Variants in DPP6 observed in about 807,000 individuals in gnomAD.
DPP6 encodes dipeptidyl peptidase like 6, also known as A-type potassium channel modulatory protein DPP6.
Under a neutral mutation model 122.6 loss-of-function variants are expected in DPP6, and 69 were observed. That is an observed-to-expected ratio of 0.56 (90% CI 0.46 to 0.69). The LOEUF (loss-of-function observed/expected upper bound fraction) is 0.69. DPP6 is among the 30% of genes least tolerant of loss of function. The probability of loss-of-function intolerance (pLI) is 0.00; values close to 1 mark genes in which losing one functional copy is unlikely to be tolerated. For synonymous variants in DPP6, 418 were observed against 433.1 expected (o/e 0.97, Z 0.43); for missense variants, 928 against 1,116.9 (o/e 0.83, Z 2.41).
At chr7:154,872,214 C>A (rs560547584) in intron 18 of DPP6, among the ~76,000 whole-genome samples, 14 of 152,346 alleles carry the variant, frequency 9.2e-5, no homozygotes, top group Admixed American at 3.9e-4. Context: ...CCTCTCCCTG[C>A]CTCCCTGCTC....
At chr7:154,088,871 G>A (rs957704073) in intron 1 of DPP6, among the ~76,000 whole-genome samples, 2 of 152,180 alleles carry the variant, frequency 1.3e-5, no homozygotes, top group Non-Finnish European at 2.9e-5. Flanking sequence ...TAAAATTAAT[G>A]AAAATTTAAA....
In DPP6 at chr7:154,681,682, G is replaced by A. The variant is rs190264530; in HGVS notation, c.762+12241G>A. On this transcript the variant is annotated intron_variant, in intron 7 of 25. Coordinates refer to ENST00000377770, the MANE Select transcript of DPP6 (RefSeq NM_130797.4). ...GTAGATTACTTTGTGGAATTCTCCC[G>A]TTTGGGTGGAGGGAACACCTCTTCA... is the stretch of plus-strand genomic sequence containing the variant. Among the ~76,000 whole-genome samples, 26 of 152,296 alleles carry A rather than the reference G, an allele frequency of 1.7e-4. No homozygotes were observed. The East Asian group carries it at 3.3e-3, about 19-fold the overall frequency.
At chr7:154,047,342 C>T (rs572837472) in intron 1 of DPP6, among the ~76,000 whole-genome samples, 1 of 147,964 alleles carries the variant, frequency 6.8e-6, no homozygotes, top group East Asian at 1.9e-4. Flanking sequence ...TGAAGGGAAT[C>T]ATATTTAACT....
intron 1 of DPP6, among the ~76,000 whole-genome samples, chr7:154,145,171 G>T (rs1271408038): frequency 6.6e-6 from 1 of 152,202 alleles, no homozygotes. Flanking sequence ...GAGATAATCT[G>T]GGTGGGCCTA....
chr7:154,063,345 GAACCCC>G (rs1802336060), intron 1 of DPP6, among the ~76,000 whole-genome samples: 1 of 126,290 alleles, frequency 7.9e-6, no homozygotes, highest in Non-Finnish European at 1.7e-5. Context: ...TGGCTCTTAG[GAACCCC>G]ATTGCAGGAG....
chr7:154,205,769 TA>T (rs35151924), intron 1 of DPP6, among the ~76,000 whole-genome samples: 180 of 150,392 alleles, frequency 1.2e-3, no homozygotes, highest in East Asian at 4.8e-3. Flanking sequence ...CTAGAATTGT[TA>T]AAAAAAAAAA....
intron 1 of DPP6, among the ~76,000 whole-genome samples, chr7:154,159,811 T>C (rs1223065789): frequency 2.0e-5 from 3 of 152,104 alleles, no homozygotes; most frequent in African/African-American, 7.2e-5. Context: ...ATATTGCAGA[T>C]TAAAAAACAT....
Position 154,603,436 on chromosome 7 carries a change from G to A in DPP6, c.628-34385G>A, listed in dbSNP as rs1480210477. 8.5e-5 allele frequency among the ~76,000 whole-genome samples: 10 copies of A among 117,340 alleles called. 3 individuals are homozygous for A. The highest frequency in any genetic ancestry group is 6.9e-4 in the Admixed American group (7 of 10,086). The allele number at this position is 117,340 out of a possible 152,430, so 77.0% of individuals were successfully genotyped here. On this transcript the variant is annotated intron_variant, in intron 5 of 25. Transcript: ENST00000377770. ...AATCCCAGCACTTTGGGAGGCCGAA[G>A]TGGGCAGATCACCTGAGGTCAGGAG...
At chr7:154,740,112 AT>A (rs35725439) in intron 8 of DPP6, among the ~76,000 whole-genome samples, 2,687 of 152,326 alleles carry the variant, frequency 0.018, 28 homozygotes, top group Non-Finnish European at 0.028. Context: ...CTTACAATTA[AT>A]GACCTACTCC....
chr7:154,059,764 G>C (rs1336240982), intron 1 of DPP6, among the ~76,000 whole-genome samples: 1 of 151,286 alleles, frequency 6.6e-6, no homozygotes, highest in Non-Finnish European at 1.5e-5. Flanking sequence ...AGAGAGAAAA[G>C]ATGGCAGCTG....
intron 7 of DPP6, among the ~76,000 whole-genome samples, chr7:154,700,247 G>A (rs1426666127): frequency 6.6e-6 from 1 of 152,152 alleles, no homozygotes; most frequent in Non-Finnish European, 1.5e-5. Flanking sequence ...TAAATATTTA[G>A]CGTCAAGTTT....
At position 154,106,406 on chromosome 7, in the gene DPP6, G is replaced by T. The variant is rs965091626; in HGVS notation, c.243+53343G>T. ...GATGGTAGACATGGAGTGTGGTGGG[G>T]TGAGCAGAGCAGATGTGATTGACAT... On this transcript the variant is annotated intron_variant, in intron 1 of 25. Transcript: ENST00000377770. Among the ~76,000 whole-genome samples the T allele has an allele frequency of 2.5e-5, 3 of 119,394 alleles. No individual in the cohort carries two copies. In the Admixed American group the frequency reaches 2.8e-4, roughly 11 times the overall value. 78.3% of individuals were successfully genotyped at this position (119,394 alleles called of 152,430 possible).
At chr7:154,597,159 G>A (rs892987976) in intron 5 of DPP6, among the ~76,000 whole-genome samples, 10 of 124,024 alleles carry the variant, frequency 8.1e-5, no homozygotes, top group Non-Finnish European at 1.5e-4. Context: ...CACAGAGACA[G>A]AGAGGGAGAG....
chr7:154,606,890 C>A lies in DPP6; in HGVS notation c.628-30931C>A, dbSNP rs1238816921. On this transcript the variant is annotated intron_variant, in intron 5 of 25. Transcript: ENST00000377770. ...TACACACACATACTTATAGACTGTACATGGCAGCATTCACAGTCCAGAAAA... is the reference window on the plus strand; with the variant it reads ...TACACACACATACTTATAGACTGTAAATGGCAGCATTCACAGTCCAGAAAA... Among the ~76,000 whole-genome samples, 4 of 121,362 alleles carry A rather than the reference C, an allele frequency of 3.3e-5. 1 individual carries two copies. Among genetic ancestry groups the A allele is most frequent in the Non-Finnish European group, 5.6e-5 (3 of 53,756 alleles). The allele number at this position is 121,362 out of a possible 152,430, so 79.6% of individuals were successfully genotyped here.
At chr7:154,440,292 G>C (rs1288231748) in intron 1 of DPP6, among the ~76,000 whole-genome samples, 1 of 152,102 alleles carries the variant, frequency 6.6e-6, no homozygotes, top group East Asian at 1.9e-4. Context: ...TTCACATGGA[G>C]GCGGCATTAA....
At chr7:154,489,146 C>A (rs930570605) in intron 3 of DPP6, among the ~76,000 whole-genome samples, 4 of 152,178 alleles carry the variant, frequency 2.6e-5, no homozygotes, top group African/African-American at 7.2e-5. Context: ...GGTCTTCCAA[C>A]AACTGCATGG....
intron 6 of DPP6, among the ~76,000 whole-genome samples, chr7:154,639,500 G>A (rs767712154): frequency 1.3e-4 from 20 of 152,270 alleles, no homozygotes; most frequent in South Asian, 6.2e-4. Flanking sequence ...TAGATATTTC[G>A]TTCCATCTTA....
At chr7:154,033,739 A>T (rs1585206987) in intron 1 of DPP6, among the ~76,000 whole-genome samples, 1 of 152,182 alleles carries the variant, frequency 6.6e-6, no homozygotes, top group African/African-American at 2.4e-5. Context: ...ACCCTTCACA[A>T]TCACAGTTCT....
chr7:154,458,982 A>G (rs1383567824), intron 2 of DPP6, among the ~76,000 whole-genome samples: 1 of 152,238 alleles, frequency 6.6e-6, no homozygotes, highest in African/African-American at 2.4e-5. Flanking sequence ...GTTTTTCAAA[A>G]TTTGAGAGAA....
Sources: gnomAD v4.1 joint callset for allele counts (sites outside exome capture counted in the v4.1 genomes callset) on GRCh38, gnomAD v4.1.1 for gene constraint, MANE v1.5 for transcripts, NCBI Gene and HGNC (gene_info 2026-07-23, HGNC 2026-07-21) for gene names.